SNTG1: variants seen among roughly 807,000 people sequenced by gnomAD.
SNTG1 encodes the protein syntrophin gamma 1.
In SNTG1, 39 loss-of-function variants were observed where a neutral mutation model predicts 74.7. The ratio of observed to expected loss-of-function variants is 0.52; its 90% CI spans 0.40 to 0.68. SNTG1 has a LOEUF of 0.68. Among genes scored for constraint, SNTG1 ranks in the 30% least tolerant of loss-of-function variants. The pLI, the probability that SNTG1 is intolerant of heterozygous loss-of-function variation, is 0.00. For missense variants in SNTG1, 685 were observed against 609.5 expected, an observed-to-expected ratio of 1.12 and a Z score of -1.30; for synonymous variants, 254 against 217.1, an observed-to-expected ratio of 1.17 and a Z score of -1.49.
chr8:50,610,235 G>A (rs2094840799), intron 13 of SNTG1, among the ~76,000 whole-genome samples: 2 of 151,958 alleles, frequency 1.3e-5, no homozygotes. Context: ...ACTTCCTTGG[G>A]CCCAGTTCTC....
intron 8 of SNTG1, among the ~76,000 whole-genome samples, chr8:50,494,721 A>G (rs1258308667): frequency 6.6e-6 from 1 of 152,092 alleles, no homozygotes; most frequent in Non-Finnish European, 1.5e-5. Context: ...TTTTACTTCA[A>G]TTAGTTTAAC....
In SNTG1 at chr8:50,610,161, C is replaced by T. The variant is rs1585838469; in HGVS notation, c.849+19244C>T. On this transcript the variant is annotated intron_variant, in intron 13 of 18. Coordinates refer to ENST00000642720, the MANE Select transcript of SNTG1 (RefSeq NM_018967.5). The stretch of plus-strand genomic sequence containing the variant: ...CCTGAGCAGTAGCTGTAGGATCTGT[C>T]TCCCTTGTGGTGTGCAGCCACTGAT... 2.0e-5 allele frequency among the ~76,000 whole-genome samples: 3 copies of T among 152,282 alleles called. No individual in the cohort carries two copies. The East Asian group carries it at 5.8e-4, about 29-fold the overall frequency.
chr8:50,756,504 A>T (rs1041499476), intron 18 of SNTG1, among the ~76,000 whole-genome samples: 1 of 151,672 alleles, frequency 6.6e-6, no homozygotes, highest in Non-Finnish European at 1.5e-5. Flanking sequence ...CATTTTTTCC[A>T]GGATCATTTG....
intron 2 of SNTG1, among the ~76,000 whole-genome samples, chr8:50,223,544 A>G (rs562375997): frequency 4.6e-5 from 7 of 152,290 alleles, no homozygotes; most frequent in Admixed American, 2.0e-4. Context: ...TATTTTCAAC[A>G]TTAGAAAAAT....
intron 18 of SNTG1, among the ~76,000 whole-genome samples, chr8:50,767,920 T>C (rs568871292): frequency 1.9e-3 from 295 of 152,162 alleles, no homozygotes; most frequent in African/African-American, 6.9e-3. Context: ...ATTCCCCTTA[T>C]GGAAATAATG....
chr8:50,244,310 G>A (rs574093458), intron 2 of SNTG1, among the ~76,000 whole-genome samples: 92 of 152,260 alleles, frequency 6.0e-4, no homozygotes, highest in African/African-American at 1.9e-3. Context: ...TTCAACATGA[G>A]ATTTAAGAGG....
At chr8:50,545,997 T>C (rs980340632) in intron 11 of SNTG1, among the ~76,000 whole-genome samples, 8 of 152,102 alleles carry the variant, frequency 5.3e-5, no homozygotes, top group African/African-American at 1.9e-4. Context: ...AATGTATATT[T>C]TGGGGGATCT....
At chr8:50,489,856 C>G (rs907144552) in intron 8 of SNTG1, among the ~76,000 whole-genome samples, 5 of 152,140 alleles carry the variant, frequency 3.3e-5, no homozygotes, top group African/African-American at 1.2e-4. Flanking sequence ...TGCCTATGTC[C>G]TGACTGGTAT....
At chr8:50,690,003 C>T (rs1183506950) in intron 15 of SNTG1, among the ~76,000 whole-genome samples, 4 of 152,146 alleles carry the variant, frequency 2.6e-5, no homozygotes. Flanking sequence ...AGGAATTTAT[C>T]CATTTCTTCT....
chr8:50,344,215 T>C (rs758015169), intron 2 of SNTG1, among the ~76,000 whole-genome samples: 26 of 152,216 alleles, frequency 1.7e-4, no homozygotes, highest in Non-Finnish European at 1.0e-4. Flanking sequence ...ATATACACCA[T>C]TTTTGAAAGA....
intron 1 of SNTG1, among the ~76,000 whole-genome samples, chr8:49,943,489 C>T (rs536400623): frequency 3.3e-4 from 50 of 152,356 alleles, no homozygotes; most frequent in South Asian, 1.9e-3. Context: ...GAACAGAATA[C>T]TTGTTCAGGC....
rs1157369914 is a variant in SNTG1, at chr8:50,515,648, T to G, written c.466+12768T>G. 5.3e-5 allele frequency among the ~76,000 whole-genome samples: 8 copies of G among 152,112 alleles called. No individual in the cohort carries two copies. The East Asian group carries it at 1.5e-3, about 29-fold the overall frequency. On this transcript the variant is annotated intron_variant, in intron 9 of 18. Transcript: ENST00000642720. ...GCGTCTACCATTACTGAGCCTTTAG[T>G]AGGCGGCTTTCTCCTCACAGTGTAA...
chr8:50,399,987 A>T (rs1269460361), intron 3 of SNTG1, among the ~76,000 whole-genome samples: 2 of 152,202 alleles, frequency 1.3e-5, no homozygotes, highest in Non-Finnish European at 1.5e-5. Context: ...TTACAAAATA[A>T]TTCTAGAATA....
At chr8:50,694,392 AAAT>A (rs2095395623) in intron 15 of SNTG1, among the ~76,000 whole-genome samples, 1 of 152,164 alleles carries the variant, frequency 6.6e-6, no homozygotes. Flanking sequence ...AATGCTGAAA[AAAT>A]AAAAATGTGA....
At chr8:50,089,497 A>T (rs1175665033) in intron 1 of SNTG1, among the ~76,000 whole-genome samples, 1 of 152,038 alleles carries the variant, frequency 6.6e-6, no homozygotes, top group East Asian at 1.9e-4. Flanking sequence ...AAATTTTTGC[A>T]ACCTACTCAC....
intron 18 of SNTG1, among the ~76,000 whole-genome samples, chr8:50,792,079 TA>T (rs1296320805): frequency 2.1e-5 from 3 of 146,102 alleles, no homozygotes; most frequent in Admixed American, 6.7e-5. Flanking sequence ...AGCTCTAGTT[TA>T]TTTTTTTTTT....
intron 8 of SNTG1, among the ~76,000 whole-genome samples, chr8:50,476,866 A>ACACACACACACG (rs1232924876): frequency 6.6e-6 from 1 of 151,396 alleles, no homozygotes; most frequent in African/African-American, 2.4e-5. Flanking sequence ...AGACACACAC[A>ACACACACACACG]CACACACACA....
rs137914034 is a variant in SNTG1 at position 50,469,386 on chromosome 8, C to T, written c.363+18657C>T. ...CCCTATTCCCCTGCTGCGTGTCCAC[C>T]CCCACCACGGTCAGGGTTCCATACT... On this transcript the variant is annotated intron_variant, in intron 8 of 18. Coordinates refer to ENST00000642720, the MANE Select transcript of SNTG1 (RefSeq NM_018967.5). Among the ~76,000 whole-genome samples the T allele has an allele frequency of 1.2e-3, 190 of 152,204 alleles. 1 individual carries two copies. The highest frequency in any genetic ancestry group is 4.4e-3 in the African/African-American group (183 of 41,528).
At position 50,796,385 on chromosome 8, in the gene SNTG1, C is replaced by T. The variant is rs1354669631; in HGVS notation, c.*3556C>T. On this transcript the variant is annotated 3_prime_UTR_variant, in exon 19 of 19. Transcript: ENST00000642720. Reference sequence around the variant, plus strand: ...CTAAAATTGTTCTTTATTGTTTATTCTTACTACCGAATACTTTAAAATCAT... The same window carrying T: ...CTAAAATTGTTCTTTATTGTTTATTTTTACTACCGAATACTTTAAAATCAT... 4 of 151,782 alleles carry T rather than the reference C, an allele frequency of 2.6e-5. No homozygotes were observed. The highest frequency in any genetic ancestry group is 5.9e-5 in the Non-Finnish European group (4 of 67,866). 9.4% of individuals were successfully genotyped at this position (151,782 alleles called of 1,614,324 possible).
Sources: allele counts gnomAD v4.1 joint callset (sites outside exome capture counted in the v4.1 genomes callset), GRCh38; gene constraint gnomAD v4.1.1; transcripts MANE v1.5; gene names NCBI Gene and HGNC (gene_info 2026-07-23, HGNC 2026-07-21).